ESR2: variants seen among roughly 807,000 people sequenced by gnomAD.
ESR2 encodes estrogen receptor 2, also known as estrogen receptor beta.
A neutral mutation model predicts 49.6 loss-of-function variants in ESR2; 36 were observed. The ratio of observed to expected loss-of-function variants is 0.73; its 90% CI spans 0.56 to 0.96. The LOEUF is 0.96. Among genes scored for constraint, ESR2 ranks in the 40% least tolerant of loss-of-function variants. The pLI, the probability that ESR2 is intolerant of heterozygous loss-of-function variation, is 0.00. For missense variants in ESR2, 714 were observed against 693.0 expected (o/e 1.03, Z -0.34); for synonymous variants, 320 against 266.1 (o/e 1.20, Z -1.97).
Position 64,235,150 on chromosome 14 carries a change from C to G in ESR2, c.1226G>C (p.Ser409Thr). 6.2e-7 allele frequency: 1 copy of G among 1,610,670 alleles called. No homozygotes were observed. Among genetic ancestry groups the G allele is most frequent in the Non-Finnish European group, 8.5e-7 (1 of 1,178,008 alleles). Reference sequence around the variant, plus strand: ...GGTCGCTGTGACCAGAGGGTACATACCTGGACAAAGAATAAAAGCCAGAAG... The same window carrying G: ...GGTCGCTGTGACCAGAGGGTACATAGCTGGACAAAGAATAAAAGCCAGAAG... ...CVKAMILLNS[S>T]MYPLVTATQD... The change falls in exon 8 of 9, where the codon AGT becomes ACT. Residue 409 changes from serine (S) to threonine (T), a missense_variant and splice_region_variant. By Grantham distance (58) the Ser-to-Thr change is moderately conservative. Transcript: ENST00000341099.
intron 1 of ESR2, among the ~76,000 whole-genome samples, chr14:64,324,566 T>A (rs2140899143): frequency 6.6e-6 from 1 of 152,346 alleles, no homozygotes; most frequent in Non-Finnish European, 1.5e-5. Flanking sequence ...TTCCAGGTAT[T>A]TCAAGGATCT....
At chr14:64,301,444 C>A (rs748572453) in intron 1 of ESR2, 9 of 152,286 alleles carry the variant, frequency 5.9e-5, no homozygotes, top group Admixed American at 5.9e-4. Flanking sequence ...AGCCTTGAAT[C>A]CTTCCCTTGG....
intron 1 of ESR2, among the ~76,000 whole-genome samples, chr14:64,288,137 G>A (rs2076811203): frequency 6.6e-6 from 1 of 152,002 alleles, no homozygotes; most frequent in African/African-American, 2.4e-5. Context: ...CCTGTATTTG[G>A]CCCTCTCAGG....
upstream of ESR2, among the ~76,000 whole-genome samples, chr14:64,295,914 C>T (rs530176550): frequency 9.2e-5 from 14 of 152,122 alleles, no homozygotes; most frequent in African/African-American, 3.4e-4. Flanking sequence ...CGTGGTGGCA[C>T]ATGCCAGTAA....
chr14:64,275,018 T>C (rs757867656), intron 3 of ESR2, among the ~76,000 whole-genome samples: 34 of 152,244 alleles, frequency 2.2e-4, no homozygotes, highest in Non-Finnish European at 3.8e-4. Flanking sequence ...GCCTAATATA[T>C]GGTATATCCT....
intron 1 of ESR2, chr14:64,336,680 C>T (rs1450036958): frequency 1.3e-5 from 2 of 152,102 alleles, no homozygotes; most frequent in African/African-American, 2.4e-5. Flanking sequence ...GGGATCTCAT[C>T]CAATCTCATG....
At chr14:64,334,047 G>A (rs959647733) in intron 1 of ESR2, among the ~76,000 whole-genome samples, 3 of 152,098 alleles carry the variant, frequency 2.0e-5, no homozygotes, top group Non-Finnish European at 4.4e-5. Context: ...TTGGAATACC[G>A]TATTTTATTC....
chr14:64,322,064 T>C (rs1282374868), intron 1 of ESR2, among the ~76,000 whole-genome samples: 2 of 151,902 alleles, frequency 1.3e-5, no homozygotes, highest in African/African-American at 4.8e-5. Flanking sequence ...AAAATTATTA[T>C]TATTATTATT....
chr14:64,248,053 G>A (rs2075902720), intron 7 of ESR2, among the ~76,000 whole-genome samples: 2 of 152,134 alleles, frequency 1.3e-5, no homozygotes, highest in Admixed American at 1.3e-4. Flanking sequence ...AATTATTCGG[G>A]TGTGGTGGCA....
rs141760704 is a variant in ESR2 at position 64,280,022 on chromosome 14, G to A, written c.494C>T (p.Ser165Leu). Residue 165 changes from serine to leucine, a missense_variant, in exon 3 of 9, where the codon TCG becomes TTG. By Grantham distance (145) the Ser-to-Leu change is moderately radical. Coordinates refer to ENST00000341099, the MANE Select transcript of ESR2 (RefSeq NM_001437.3). Reference sequence around the variant, plus strand: ...AAAAAAGGCCTTACATCCTTCACACGACCAGACTCCATAGTGATATCCCGA... The same window carrying A: ...AAAAAAGGCCTTACATCCTTCACACAACCAGACTCCATAGTGATATCCCGA... ...YASGYHYGVW[S>L]CEGCKAFFKR... is the part of the protein sequence containing the mutation. 33 of 1,614,068 alleles carry A rather than the reference G, an allele frequency of 2.0e-5. No individual in the cohort carries two copies. The African/African-American group carries it at 2.4e-4, about 12-fold the overall frequency.
At position 64,282,659 on chromosome 14, in the gene ESR2, T is replaced by G. The variant is rs781253938; in HGVS notation, c.327A>C (p.Glu109Asp). Residue 109 changes from glutamate (E) to aspartate (D), a missense_variant, in exon 2 of 9, where the codon GAA becomes GAC. Coordinates refer to ENST00000341099, the MANE Select transcript of ESR2 (RefSeq NM_001437.3). ...GTAAGGTGTGTTCTAGCGATCTTGC[T>G]TCACACCAGGGACTCTTTTGAGGTT... The part of the protein sequence containing the change: ...YAEPQKSPWC[E>D]ARSLEHTLPV... The G allele has an allele frequency of 1.9e-6, 3 of 1,609,756 alleles. No homozygotes were observed. In the South Asian group the frequency reaches 3.3e-5, roughly 18 times the overall value.
rs1488069506 is a variant in ESR2, at chr14:64,232,534, G to A, written c.*603C>T. The A allele has an allele frequency of 6.6e-6, 1 of 152,368 alleles. No individual in the cohort carries two copies. The highest frequency in any genetic ancestry group is 1.5e-5 in the Non-Finnish European group (1 of 68,154). The allele number at this position is 152,368 out of a possible 1,614,324, so 9.4% of individuals were successfully genotyped here. A position where few individuals can be genotyped will look rare whatever the true frequency, so the allele number is the denominator to read the frequency against. Reference sequence around the variant, plus strand: ...CTGTGTGCAGCTGGCAGCAAGGTCAGGGAGAGAACATGACTCACATCCCAG... The same window carrying A: ...CTGTGTGCAGCTGGCAGCAAGGTCAAGGAGAGAACATGACTCACATCCCAG... On this transcript the variant is annotated 3_prime_UTR_variant, in exon 9 of 9. Transcript: ENST00000341099.
intron 2 of ESR2, among the ~76,000 whole-genome samples, chr14:64,280,827 A>C (rs920788472): frequency 2.0e-5 from 3 of 152,078 alleles, no homozygotes; most frequent in Non-Finnish European, 4.4e-5. Flanking sequence ...TTGGCCAACA[A>C]GGTGAAACCC....
chr14:64,295,001 C>A (rs1403450781), upstream of ESR2, among the ~76,000 whole-genome samples: 2 of 152,252 alleles, frequency 1.3e-5, no homozygotes, highest in South Asian at 4.1e-4. Flanking sequence ...CCTGCCCACC[C>A]CTCTTCTCGG....
intron 1 of ESR2, among the ~76,000 whole-genome samples, chr14:64,288,238 T>G (rs1373656476): frequency 6.6e-6 from 1 of 152,052 alleles, no homozygotes; most frequent in African/African-American, 2.4e-5. Flanking sequence ...CTATGGCTTT[T>G]GAATTAAAAG....
In ESR2 at chr14:64,260,213, G is replaced by C. The variant is rs749642991; in HGVS notation, c.952+236C>G. ...ACAACTCTTTCTGCACTACCATGTT[G>C]GGTACAGAACTCAGAAGAGTCTCAG... On this transcript the variant is annotated intron_variant, in intron 5 of 8. Transcript: ENST00000341099. 3 of 743,474 alleles carry C rather than the reference G, an allele frequency of 4.0e-6. No homozygotes were observed. The African/African-American group carries it at 5.1e-5, about 13-fold the overall frequency. The allele number at this position is 743,474 out of a possible 1,614,324, so 46.1% of individuals were successfully genotyped here.
At chr14:64,228,013 T>C (rs756634129), downstream of ESR2, 164 of 1,518,818 alleles carry the variant, frequency 1.1e-4, no homozygotes, top group Non-Finnish European at 1.3e-4. Flanking sequence ...ACCAGGACTT[T>C]TGTGAGCTGC....
chr14:64,297,397 T>A (rs1426951086), upstream of ESR2: 2 of 152,058 alleles, frequency 1.3e-5, no homozygotes, highest in Admixed American at 1.3e-4. Context: ...AAGGTGCACC[T>A]TCCTCATCTT....
chr14:64,290,232 C>T (rs2076849172), intron 1 of ESR2, among the ~76,000 whole-genome samples: 1 of 151,954 alleles, frequency 6.6e-6, no homozygotes, highest in African/African-American at 2.4e-5. Flanking sequence ...CCATCATGCC[C>T]AGCTGATTTT....
Sources: allele counts gnomAD v4.1 joint callset (sites outside exome capture counted in the v4.1 genomes callset), GRCh38; gene constraint gnomAD v4.1.1; transcripts MANE v1.5; gene names NCBI Gene and HGNC (gene_info 2026-07-23, HGNC 2026-07-21).